Variants in EZH2 observed in about 807,000 individuals in gnomAD.
The protein encoded by EZH2 is histone-lysine N-methyltransferase EZH2.
EZH2 carries 18 observed loss-of-function variants against 98.4 expected under a neutral mutation model. The observed-to-expected ratio is 0.18, with a 90% CI of 0.13 to 0.27. The LOEUF (loss-of-function observed/expected upper bound fraction) is 0.27, where lower values mean the gene tolerates loss of function less well. EZH2 is among the 10% of genes least tolerant of loss of function. The pLI is 1.00. For missense variants in EZH2, 470 were observed against 935.1 expected, an observed-to-expected ratio of 0.50 and a Z score of 6.49; for synonymous variants, 338 against 312.3, an observed-to-expected ratio of 1.08 and a Z score of -0.87.
Position 148,816,195 on chromosome 7 carries a change from A to C in EZH2, c.1505+489T>G, listed in dbSNP as rs1804502610. The stretch of plus-strand genomic sequence containing the variant: ...TTTTCTGGTTCTACATTTACAAATC[A>C]AATCAGCCTGAAAACATTCGCTAAG... On this transcript the variant is annotated intron_variant, in intron 12 of 19. Coordinates refer to ENST00000320356, the MANE Select transcript of EZH2 (RefSeq NM_004456.5). Among the ~76,000 whole-genome samples, 3 of 152,202 alleles carry C rather than the reference A, an allele frequency of 2.0e-5. No homozygotes were observed. The South Asian group carries it at 6.2e-4, about 31-fold the overall frequency.
At chr7:148,832,515 A>C (rs540048860) in intron 4 of EZH2, 119 bp downstream of exon 4, 1 of 619,346 alleles carries the variant, frequency 1.6e-6, no homozygotes, top group East Asian at 2.6e-5. Flanking sequence ...TTCAAGTGTT[A>C]TTTTGATAGC....
intron 3 of EZH2, among the ~76,000 whole-genome samples, chr7:148,841,285 T>A (rs928016742): frequency 6.6e-6 from 1 of 152,020 alleles, no homozygotes; most frequent in Admixed American, 6.5e-5. Flanking sequence ...AAATGTTACA[T>A]CTATTTCAGC....
intron 8 of EZH2, among the ~76,000 whole-genome samples, chr7:148,825,060 C>CA (rs1807307897): frequency 6.6e-6 from 1 of 151,974 alleles, no homozygotes; most frequent in Non-Finnish European, 1.5e-5. Flanking sequence ...ATTTTTACAG[C>CA]AAAAAAACTT....
rs569917829 is a variant in EZH2 at position 148,835,089 on chromosome 7, A to T, written c.247-2339T>A. ...CTTGCCCTTGCAATGCTCATGGGGTAAAATAACAATTACAGCCATGCAGTA... is the reference window on the plus strand; with the variant it reads ...CTTGCCCTTGCAATGCTCATGGGGTTAAATAACAATTACAGCCATGCAGTA... On this transcript the variant is annotated intron_variant, in intron 3 of 19. Transcript: ENST00000320356. Among the ~76,000 whole-genome samples, 5 of 152,342 alleles carry T rather than the reference A, an allele frequency of 3.3e-5. No homozygotes were observed. The East Asian group carries it at 9.6e-4, about 29-fold the overall frequency.
chr7:148,825,360 C>A (rs1807391299), intron 8 of EZH2, among the ~76,000 whole-genome samples: 1 of 152,296 alleles, frequency 6.6e-6, no homozygotes, highest in Admixed American at 6.5e-5. Flanking sequence ...GGAGTTAGAA[C>A]AAGAGCAAGG....
At chr7:148,836,547 AG>A (rs1810965919) in intron 3 of EZH2, among the ~76,000 whole-genome samples, 1 of 152,232 alleles carries the variant, frequency 6.6e-6, no homozygotes, top group Non-Finnish European at 1.5e-5. Context: ...AGTAGTGAAA[AG>A]AATTTTTACC....
chr7:148,867,377 C>T (rs551363422), intron 1 of EZH2, among the ~76,000 whole-genome samples: 36 of 152,096 alleles, frequency 2.4e-4, no homozygotes, highest in Non-Finnish European at 4.0e-4. Flanking sequence ...TCAGATATTC[C>T]GTTATACCAG....
At chr7:148,812,747 G>A (rs899252599) in intron 15 of EZH2, among the ~76,000 whole-genome samples, 5 of 152,082 alleles carry the variant, frequency 3.3e-5, no homozygotes, top group Non-Finnish European at 7.3e-5. Flanking sequence ...GTATGCCATC[G>A]GAAACGGAAC....
chr7:148,829,834 A>C lies in EZH2; in HGVS notation c.378T>G (p.Thr126=). 3 of 1,577,778 alleles carry C rather than the reference A, an allele frequency of 1.9e-6. No individual in the cohort carries two copies. The highest frequency in any genetic ancestry group is 2.6e-6 in the Non-Finnish European group (3 of 1,160,422). Reference sequence around the variant, plus strand: ...CCATATAAGGAATGTTATGTAAAACAGTTTCATCTTCCACCTAAAAGAAAA... The same window carrying C: ...CCATATAAGGAATGTTATGTAAAACCGTTTCATCTTCCACCTAAAAGAAAA... ...LQQNFMVEDE[T]VLHNIPYMGD... Residue 126 remains threonine (T), a synonymous_variant, in exon 5 of 20, where the codon ACT becomes ACG. Transcript: ENST00000320356.
chr7:148,882,838 T>A (rs2129496369), intron 1 of EZH2, among the ~76,000 whole-genome samples: 1 of 152,330 alleles, frequency 6.6e-6, no homozygotes, highest in Admixed American at 6.5e-5. Flanking sequence ...ATGTTACAGA[T>A]CCTGTGTGAT....
At chr7:148,826,158 CATA>C (rs1349905437) in intron 8 of EZH2, among the ~76,000 whole-genome samples, 1 of 151,010 alleles carries the variant, frequency 6.6e-6, no homozygotes. Context: ...GCTACCAGTT[CATA>C]ATAATAGTTT....
At chr7:148,873,461 C>G (rs1214224294) in intron 1 of EZH2, among the ~76,000 whole-genome samples, 4 of 129,556 alleles carry the variant, frequency 3.1e-5, no homozygotes, top group Non-Finnish European at 4.6e-5. Context: ...CACTGCACGC[C>G]AGCCTGGGTG....
chr7:148,821,836 ATGTG>A (rs1806192366), intron 8 of EZH2, among the ~76,000 whole-genome samples: 3 of 152,156 alleles, frequency 2.0e-5, no homozygotes, highest in Admixed American at 2.0e-4. Flanking sequence ...GTATGTATGT[ATGTG>A]TGTATGTATA....
Position 148,834,709 on chromosome 7 carries a change from GT to G in EZH2, c.247-1960del, listed in dbSNP as rs576569782. 2.2e-4 allele frequency among the ~76,000 whole-genome samples: 34 copies of G among 152,276 alleles called. 1 individual carries two copies. The South Asian group carries it at 6.8e-3, about 31-fold the overall frequency. On this transcript the variant is annotated intron_variant, in intron 3 of 19. Coordinates refer to ENST00000320356, the MANE Select transcript of EZH2 (RefSeq NM_004456.5). The stretch of plus-strand genomic sequence containing the variant: ...TCGAGTAAACAAGAAGGTGTGAACA[GT>G]TTACTAACACTCCAGAGCCCACAAT...
At chr7:148,813,053 A>ACACACACG (rs1491280894) in intron 15 of EZH2, among the ~76,000 whole-genome samples, 2,759 of 86,564 alleles carry the variant, frequency 0.032, 102 homozygotes, top group African/African-American at 0.11. Context: ...CACCCCACAT[A>ACACACACG]CACACACACA....
Position 148,826,444 on chromosome 7 carries a change from G to T in EZH2, c.907+10C>A. 6.5e-7 allele frequency: 1 copy of T among 1,546,582 alleles called. No homozygotes were observed. Among genetic ancestry groups the T allele is most frequent in the Admixed American group, 1.9e-5 (1 of 53,404 alleles). On this transcript the variant is annotated intron_variant, in intron 8 of 19. Transcript: ENST00000320356. ...TAATTCCACAACAAAGATAGAAAATGAAAACGTACAATAATTGCACTTACG... is the reference window on the plus strand; with the variant it reads ...TAATTCCACAACAAAGATAGAAAATTAAAACGTACAATAATTGCACTTACG...
At chr7:148,867,552 C>T (rs866372028) in intron 1 of EZH2, among the ~76,000 whole-genome samples, 3 of 152,150 alleles carry the variant, frequency 2.0e-5, no homozygotes, top group Non-Finnish European at 2.9e-5. Context: ...TATATAATTC[C>T]TACAGTTACC....
chr7:148,807,601 A>T lies in EZH2; in HGVS notation c.*45T>A. Reference sequence around the variant, plus strand: ...TGCCCACAGTACTCGAGGTTCCTGAAGCTAAGGCAGCTGTTTCAGAGGAGG... The same window carrying T: ...TGCCCACAGTACTCGAGGTTCCTGATGCTAAGGCAGCTGTTTCAGAGGAGG... On this transcript the variant is annotated 3_prime_UTR_variant, in exon 20 of 20. Coordinates refer to ENST00000320356, the MANE Select transcript of EZH2 (RefSeq NM_004456.5). The T allele has an allele frequency of 1.3e-6, 2 of 1,491,492 alleles. No homozygotes were observed. Among genetic ancestry groups the T allele is most frequent in the Non-Finnish European group, 1.8e-6 (2 of 1,096,546 alleles). 92.4% of individuals were successfully genotyped at this position (1,491,492 alleles called of 1,614,324 possible).
At chr7:148,857,148 G>A (rs1022937236) in intron 1 of EZH2, among the ~76,000 whole-genome samples, 1 of 152,180 alleles carries the variant, frequency 6.6e-6, no homozygotes, top group Admixed American at 6.6e-5. Context: ...GAAAACATCC[G>A]ATAAGCCGAA....
Sources: allele counts gnomAD v4.1 joint callset (sites outside exome capture counted in the v4.1 genomes callset), GRCh38; gene constraint gnomAD v4.1.1; transcripts MANE v1.5; gene names NCBI Gene and HGNC (gene_info 2026-07-23, HGNC 2026-07-21).